Variants in NBEA observed in about 807,000 individuals in gnomAD.
NBEA encodes neurobeachin, also known as lysosomal-trafficking regulator 2.
A neutral mutation model predicts 343.4 loss-of-function variants in NBEA; 44 were observed. The ratio of observed to expected loss-of-function variants is 0.13; its 90% CI spans 0.10 to 0.16. The LOEUF is 0.16. Among genes scored for constraint, NBEA ranks in the 10% least tolerant of loss-of-function variants. NBEA has a pLI of 1.00. For synonymous variants in NBEA, 1,175 were observed against 1,238.7 expected, an observed-to-expected ratio of 0.95 and a Z score of 1.08; for missense variants, 2,555 against 3,631.3, an observed-to-expected ratio of 0.70 and a Z score of 7.62.
chr13:35,185,101 A>T (rs1012917905), intron 30 of NBEA, among the ~76,000 whole-genome samples: 1 of 152,146 alleles, frequency 6.6e-6, no homozygotes, highest in African/African-American at 2.4e-5. Context: ...GAAATTTGAC[A>T]TGAAGGAGGA....
intron 31 of NBEA, among the ~76,000 whole-genome samples, chr13:35,206,395 T>TA (rs1340378320): frequency 6.6e-6 from 1 of 152,138 alleles, no homozygotes; most frequent in Admixed American, 6.6e-5. Flanking sequence ...TCTGCTGTTC[T>TA]AAAAAAATCA....
At chr13:35,620,609 G>A (rs1279327166) in intron 48 of NBEA, among the ~76,000 whole-genome samples, 1 of 152,124 alleles carries the variant, frequency 6.6e-6, no homozygotes, top group Non-Finnish European at 1.5e-5. Flanking sequence ...GCAATCTTTT[G>A]AGTGGAAGTG....
chr13:35,275,781 T>A (rs148051487), intron 34 of NBEA, among the ~76,000 whole-genome samples: 20,031 of 152,006 alleles, frequency 0.13, 1,533 homozygotes, highest in African/African-American at 0.2. Context: ...CCATCAGAGA[T>A]ATGCAAATCA....
chr13:35,512,396 T>C (rs1285589137), intron 41 of NBEA, among the ~76,000 whole-genome samples: 1 of 152,206 alleles, frequency 6.6e-6, no homozygotes, highest in Non-Finnish European at 1.5e-5. Flanking sequence ...TGGAATAGGC[T>C]TCATTCAAGT....
At chr13:35,124,723 T>TAC (rs1371268299) in intron 17 of NBEA, among the ~76,000 whole-genome samples, 2 of 151,516 alleles carry the variant, frequency 1.3e-5, no homozygotes, top group African/African-American at 2.4e-5. Flanking sequence ...TGGATATATA[T>TAC]ACACATATGT....
chr13:35,378,357 G>A (rs1034151071), intron 38 of NBEA, among the ~76,000 whole-genome samples: 1 of 152,088 alleles, frequency 6.6e-6, no homozygotes, highest in Non-Finnish European at 1.5e-5. Context: ...GAACACCTGT[G>A]GTCAAATTTC....
intron 41 of NBEA, among the ~76,000 whole-genome samples, chr13:35,510,581 C>T (rs2077240240): frequency 6.6e-6 from 1 of 151,916 alleles, no homozygotes; most frequent in Non-Finnish European, 1.5e-5. Flanking sequence ...TTACACGTTA[C>T]TGTCTGTTTT....
chr13:35,329,627 C>A (rs981622059), intron 36 of NBEA, among the ~76,000 whole-genome samples: 2 of 151,940 alleles, frequency 1.3e-5, no homozygotes, highest in Admixed American at 1.3e-4. Flanking sequence ...ATGTGACATT[C>A]TATAAAAGAC....
intron 4 of NBEA, among the ~76,000 whole-genome samples, chr13:35,047,229 ATTTTTT>A (rs953765823): frequency 1.5e-5 from 2 of 130,526 alleles, no homozygotes; most frequent in Non-Finnish European, 3.4e-5. Flanking sequence ...GTGTGTGTGT[ATTTTTT>A]TTAACAGCAA....
chr13:35,088,560 A>T (rs17051845), intron 10 of NBEA, among the ~76,000 whole-genome samples: 1 of 151,910 alleles, frequency 6.6e-6, no homozygotes, highest in African/African-American at 2.4e-5. Flanking sequence ...TTTCCAGTGT[A>T]TTCTGGGTCA....
At chr13:35,381,698 T>C (rs1271770008) in intron 38 of NBEA, among the ~76,000 whole-genome samples, 1 of 152,148 alleles carries the variant, frequency 6.6e-6, no homozygotes, top group Non-Finnish European at 1.5e-5. Flanking sequence ...TACCTGGTTC[T>C]GTAAGCAACT....
chr13:35,150,394 A>G (rs1272598628), intron 18 of NBEA, among the ~76,000 whole-genome samples: 7 of 152,220 alleles, frequency 4.6e-5, no homozygotes, highest in Non-Finnish European at 1.0e-4. Context: ...ATGACAGGGC[A>G]GTGGATTACT....
intron 40 of NBEA, among the ~76,000 whole-genome samples, chr13:35,457,669 C>T (rs557539213): frequency 3.9e-5 from 6 of 152,136 alleles, no homozygotes; most frequent in South Asian, 2.1e-4. Flanking sequence ...ACTGCAGTGG[C>T]GAGATCTCGG....
At chr13:35,416,988 T>G (rs1451199625) in intron 38 of NBEA, among the ~76,000 whole-genome samples, 5 of 152,206 alleles carry the variant, frequency 3.3e-5, no homozygotes, top group Admixed American at 6.5e-5. Flanking sequence ...TTCAGGAATT[T>G]ATCCGTTTCT....
intron 33 of NBEA, among the ~76,000 whole-genome samples, chr13:35,224,756 C>T (rs1270059468): frequency 6.6e-6 from 1 of 152,024 alleles, no homozygotes; most frequent in Non-Finnish European, 1.5e-5. Context: ...TTGATTCTAT[C>T]GGTTTTTCTC....
At chr13:35,658,454 A>G (rs1441344109) in intron 55 of NBEA, among the ~76,000 whole-genome samples, 3 of 152,206 alleles carry the variant, frequency 2.0e-5, no homozygotes, top group African/African-American at 4.8e-5. Context: ...AAGCAACAGT[A>G]TGTGTTGGGT....
At chr13:35,226,470 A>G (rs115112061) in intron 33 of NBEA, among the ~76,000 whole-genome samples, 232 of 152,248 alleles carry the variant, frequency 1.5e-3, no homozygotes, top group African/African-American at 4.8e-3. Context: ...TTTTTTAAAT[A>G]TACGAAATAT....
chr13:35,070,899 A>C lies in NBEA; in HGVS notation c.1571+47A>C, dbSNP rs753841261. On this transcript the variant is annotated intron_variant, in intron 10 of 58. Coordinates refer to ENST00000379939, the MANE Select transcript of NBEA (RefSeq NM_001385012.1). Reference sequence around the variant, plus strand: ...AATTGCTGGTATTTTATACACACTTAAGACTATGCATGATGTACTCAGTGC... The same window carrying C: ...AATTGCTGGTATTTTATACACACTTCAGACTATGCATGATGTACTCAGTGC... 1.2e-5 allele frequency: 19 copies of C among 1,597,010 alleles called. No homozygotes were observed. In the African/African-American group the frequency reaches 2.5e-4, roughly 21 times the overall value.
Position 35,298,211 on chromosome 13 carries a change from G to A in NBEA, c.5838+7761G>A, listed in dbSNP as rs2149699. ...TATGTGTGTGTGTGTGTGTGTGTGT[G>A]TATATATATATATATATATATATAT... is the stretch of plus-strand genomic sequence containing the variant. On this transcript the variant is annotated intron_variant, in intron 35 of 58. Transcript: ENST00000379939. 4.2e-3 allele frequency among the ~76,000 whole-genome samples: 427 copies of A among 102,882 alleles called. 1 individual carries two copies. Among genetic ancestry groups the A allele is most frequent in the African/African-American group, 0.011 (255 of 23,068 alleles). The allele number at this position is 102,882 out of a possible 152,430, so 67.5% of individuals were successfully genotyped here. A position where few individuals can be genotyped will look rare whatever the true frequency, so the allele number is the denominator to read the frequency against.
Sources: allele counts gnomAD v4.1 joint callset (sites outside exome capture counted in the v4.1 genomes callset), GRCh38; gene constraint gnomAD v4.1.1; transcripts MANE v1.5; gene names NCBI Gene and HGNC (gene_info 2026-07-23, HGNC 2026-07-21).